Variants in CNTN4 observed in about 807,000 individuals in gnomAD.
CNTN4 encodes the protein contactin 4.
In CNTN4, 77 loss-of-function variants were observed where a neutral mutation model predicts 122.5. The ratio of observed to expected loss-of-function variants is 0.63; its 90% CI spans 0.52 to 0.76. CNTN4 has a LOEUF of 0.76. Among genes scored for constraint, CNTN4 ranks in the 30% least tolerant of loss-of-function variants. CNTN4 has a pLI of 0.00. For missense variants in CNTN4, 1,256 were observed against 1,259.1 expected, an observed-to-expected ratio of 1.00 and a Z score of 0.04; for synonymous variants, 512 against 447.0, an observed-to-expected ratio of 1.15 and a Z score of -1.83.
intron 7 of CNTN4, among the ~76,000 whole-genome samples, chr3:2,851,693 C>G (rs2093553463): frequency 6.6e-6 from 1 of 152,172 alleles, no homozygotes; most frequent in Non-Finnish European, 1.5e-5. Flanking sequence ...AAAACTGAGG[C>G]TTAGAAAGAT....
chr3:2,891,323 G>T (rs147304529), intron 10 of CNTN4, among the ~76,000 whole-genome samples: 2 of 151,946 alleles, frequency 1.3e-5, no homozygotes, highest in Non-Finnish European at 2.9e-5. Flanking sequence ...GGTGCATGCC[G>T]GTAGTCCCAA....
chr3:2,317,140 A>G (rs1296645109), intron 2 of CNTN4, among the ~76,000 whole-genome samples: 2 of 152,204 alleles, frequency 1.3e-5, no homozygotes, highest in African/African-American at 4.8e-5. Context: ...CTACATGGCA[A>G]ATATTTCTGA....
chr3:2,637,697 A>G (rs1280243311), intron 4 of CNTN4, among the ~76,000 whole-genome samples: 1 of 152,166 alleles, frequency 6.6e-6, no homozygotes, highest in Non-Finnish European at 1.5e-5. Context: ...TAAATCCTAT[A>G]AAGCCTGTAT....
At chr3:2,555,523 C>A (rs1003472960) in intron 3 of CNTN4, among the ~76,000 whole-genome samples, 9 of 152,058 alleles carry the variant, frequency 5.9e-5, no homozygotes, top group Non-Finnish European at 1.2e-4. Context: ...AAGAGAAATC[C>A]TGAATGCTGT....
intron 7 of CNTN4, among the ~76,000 whole-genome samples, chr3:2,824,541 C>G (rs1005691478): frequency 3.9e-5 from 6 of 152,194 alleles, no homozygotes; most frequent in South Asian, 2.1e-4. Context: ...TCCATTCACA[C>G]GGATCATCTA....
chr3:2,673,974 C>T (rs1484363259), intron 4 of CNTN4, among the ~76,000 whole-genome samples: 1 of 152,172 alleles, frequency 6.6e-6, no homozygotes, highest in Non-Finnish European at 1.5e-5. Context: ...ACAGAGGCAA[C>T]CCAGCAGACT....
intron 3 of CNTN4, among the ~76,000 whole-genome samples, chr3:2,506,054 A>C (rs890116897): frequency 1.3e-5 from 2 of 152,152 alleles, no homozygotes; most frequent in African/African-American, 2.4e-5. Flanking sequence ...AATCTTAACA[A>C]ATATAGAACA....
At chr3:2,481,259 GC>G (rs1341944381) in intron 3 of CNTN4, among the ~76,000 whole-genome samples, 2 of 151,710 alleles carry the variant, frequency 1.3e-5, no homozygotes, top group African/African-American at 4.8e-5. Context: ...TCCTACCTCA[GC>G]CTCCTGAGCA....
intron 3 of CNTN4, among the ~76,000 whole-genome samples, chr3:2,536,152 C>T (rs1226384811): frequency 6.6e-6 from 1 of 152,116 alleles, no homozygotes; most frequent in South Asian, 2.1e-4. Context: ...TGAAACAGTT[C>T]AGAACCACAT....
intron 2 of CNTN4, among the ~76,000 whole-genome samples, chr3:2,240,370 G>C (rs1034030613): frequency 1.3e-5 from 2 of 152,008 alleles, no homozygotes; most frequent in African/African-American, 2.4e-5. Flanking sequence ...GGCTTAGTTT[G>C]CATTAAATGC....
intron 2 of CNTN4, among the ~76,000 whole-genome samples, chr3:2,337,719 T>C (rs2044011379): frequency 6.6e-6 from 1 of 152,102 alleles, no homozygotes; most frequent in Non-Finnish European, 1.5e-5. Flanking sequence ...ATTATTCCAC[T>C]GGATAGGGTA....
At chr3:2,233,082 A>G (rs2039549939) in intron 2 of CNTN4, among the ~76,000 whole-genome samples, 1 of 148,602 alleles carries the variant, frequency 6.7e-6, no homozygotes, top group Admixed American at 6.8e-5. Context: ...AAGCATGGCT[A>G]GCTGCTGTGG....
chr3:2,672,598 C>T (rs928542050), intron 4 of CNTN4, among the ~76,000 whole-genome samples: 1 of 152,204 alleles, frequency 6.6e-6, no homozygotes, highest in African/African-American at 2.4e-5. Flanking sequence ...TCGGCTCACA[C>T]TTGGTGCGCT....
At chr3:3,048,145 T>C (rs1260910404) in intron 23 of CNTN4, among the ~76,000 whole-genome samples, 1 of 152,098 alleles carries the variant, frequency 6.6e-6, no homozygotes, top group Non-Finnish European at 1.5e-5. Flanking sequence ...TTGCTACATA[T>C]ACATGTGAAT....
intron 4 of CNTN4, among the ~76,000 whole-genome samples, chr3:2,602,257 A>G (rs932890514): frequency 2.0e-5 from 3 of 152,204 alleles, no homozygotes; most frequent in Non-Finnish European, 2.9e-5. Context: ...ATCAGGCAGG[A>G]GAAAGAAATA....
chr3:2,955,751 A>G (rs574742610), intron 13 of CNTN4, among the ~76,000 whole-genome samples: 2 of 152,342 alleles, frequency 1.3e-5, no homozygotes, highest in African/African-American at 4.8e-5. Context: ...ATTATTGGAT[A>G]TAGTGCTAAT....
At chr3:2,564,572 A>G (rs1236138576) in intron 3 of CNTN4, among the ~76,000 whole-genome samples, 1 of 152,158 alleles carries the variant, frequency 6.6e-6, no homozygotes, top group African/African-American at 2.4e-5. Context: ...AGAATCCTTA[A>G]AAACAATCTG....
rs74966570 is a variant in CNTN4, at chr3:2,594,953, A to G, written c.55+23395A>G. On this transcript the variant is annotated intron_variant, in intron 4 of 24. Coordinates refer to ENST00000418658, the MANE Select transcript of CNTN4 (RefSeq NM_175607.3). ...AGATTCAACCATAATTGGAAAAGTCATCACCTTTTAAAAGAAGTAACATTG... is the reference window on the plus strand; with the variant it reads ...AGATTCAACCATAATTGGAAAAGTCGTCACCTTTTAAAAGAAGTAACATTG... 5.5e-4 allele frequency among the ~76,000 whole-genome samples: 84 copies of G among 152,358 alleles called. 2 individuals carry two copies. The Middle Eastern group carries it at 0.017, about 31-fold the overall frequency.
At chr3:2,303,680 G>T (rs1376029344) in intron 2 of CNTN4, among the ~76,000 whole-genome samples, 2 of 152,038 alleles carry the variant, frequency 1.3e-5, no homozygotes, top group Admixed American at 6.5e-5. Context: ...ACTATAGCAG[G>T]TCTCTCATAC....
Sources: gnomAD v4.1 joint callset for allele counts (sites outside exome capture counted in the v4.1 genomes callset) on GRCh38, gnomAD v4.1.1 for gene constraint, MANE v1.5 for transcripts, NCBI Gene and HGNC (gene_info 2026-07-23, HGNC 2026-07-21) for gene names.